The following SORCS1 variants were observed in gnomAD, a reference collection of about 807,000 sequenced individuals.
SORCS1 encodes the protein sortilin related VPS10 domain containing receptor 1, also known as VPS10 domain-containing receptor SorCS1.
A neutral mutation model predicts 146.1 loss-of-function variants in SORCS1; 60 were observed. That is an observed-to-expected ratio of 0.41 (90% CI 0.33 to 0.51). SORCS1 has a LOEUF of 0.51. SORCS1 is among the 20% of genes least tolerant of loss of function. The pLI is 0.21. For missense variants in SORCS1, 1,352 were observed against 1,487.6 expected, an observed-to-expected ratio of 0.91 and a Z score of 1.50; for synonymous variants, 637 against 584.0, an observed-to-expected ratio of 1.09 and a Z score of -1.31.
chr10:106,671,739 G>C (rs1252937452), intron 15 of SORCS1, among the ~76,000 whole-genome samples: 1 of 152,152 alleles, frequency 6.6e-6, no homozygotes, highest in Non-Finnish European at 1.5e-5. Context: ...GATGTATACA[G>C]TTGGTCATTT....
At chr10:107,147,138 G>A (rs144720280) in intron 1 of SORCS1, among the ~76,000 whole-genome samples, 162 of 152,252 alleles carry the variant, frequency 1.1e-3, no homozygotes, top group Middle Eastern at 3.4e-3. Flanking sequence ...GAAAGAAAAC[G>A]TAAGTTTAAC....
the SORCS1 span, among the ~76,000 whole-genome samples, chr10:107,173,750 GTAGTAT>G: frequency 2.0e-5 from 3 of 152,096 alleles, no homozygotes; most frequent in African/African-American, 7.2e-5. Context: ...GGTTCATGTT[GTAGTAT>G]ATGGATATCA....
chr10:107,104,718 G>A (rs913218196), intron 1 of SORCS1, among the ~76,000 whole-genome samples: 2 of 151,982 alleles, frequency 1.3e-5, no homozygotes, highest in Non-Finnish European at 2.9e-5. Context: ...TCCCTTTTTT[G>A]CTCTGCCATC....
intron 17 of SORCS1, among the ~76,000 whole-genome samples, chr10:106,664,534 C>T (rs549119046): frequency 3.7e-4 from 57 of 152,064 alleles, no homozygotes; most frequent in African/African-American, 1.3e-3. Flanking sequence ...CCCAGCTACT[C>T]GGGAAGCTGA....
intron 1 of SORCS1, among the ~76,000 whole-genome samples, chr10:107,046,373 C>T (rs1199557067): frequency 6.6e-6 from 1 of 152,020 alleles, no homozygotes; most frequent in Non-Finnish European, 1.5e-5. Flanking sequence ...TATGTGGCCA[C>T]ATTAATATGT....
At chr10:107,129,031 G>A (rs1036472585) in intron 1 of SORCS1, among the ~76,000 whole-genome samples, 8 of 152,208 alleles carry the variant, frequency 5.3e-5, no homozygotes, top group Admixed American at 5.2e-4. Flanking sequence ...ACCAGTCCCT[G>A]AGCACAAACT....
intron 1 of SORCS1, among the ~76,000 whole-genome samples, chr10:107,132,612 C>T (rs1346619134): frequency 6.6e-6 from 1 of 152,174 alleles, no homozygotes; most frequent in African/African-American, 2.4e-5. Context: ...AAATAAAGGG[C>T]TGGCTAAGCA....
rs747968529 is a variant in SORCS1 at position 106,620,490 on chromosome 10, C to T, written c.2734G>A (p.Val912Met). Residue 912 changes from valine to methionine, a missense_variant, in exon 20 of 26, where the codon GTG becomes ATG. This residue lies in a region of SORCS1 where 648 missense variants were observed against 793.8 expected (regional missense o/e 0.82). Coordinates refer to ENST00000263054, the MANE Select transcript of SORCS1 (RefSeq NM_052918.5). ...TKNKEVNATAVLWPSQVGTLT... is the reference protein window; with the variant it reads ...TKNKEVNATAMLWPSQVGTLT... ...GTGCCCACTTGGCTGGGCCACAGCA[C>T]TGCCGTCGCATTGACCTCTTTGTTC... The T allele has an allele frequency of 1.8e-5, 29 of 1,614,042 alleles. No homozygotes were observed. Among genetic ancestry groups the T allele is most frequent in the Non-Finnish European group, 2.5e-5 (29 of 1,179,974 alleles).
At chr10:106,658,684 T>C (rs1850489843) in intron 17 of SORCS1, among the ~76,000 whole-genome samples, 1 of 152,138 alleles carries the variant, frequency 6.6e-6, no homozygotes, top group African/African-American at 2.4e-5. Flanking sequence ...ACCTTAGTAA[T>C]GTAGGTGTGC....
At chr10:106,991,453 G>A (rs7073196) in intron 1 of SORCS1, among the ~76,000 whole-genome samples, 26,476 of 152,128 alleles carry the variant, frequency 0.17, 7,048 homozygotes, top group African/African-American at 0.58. Flanking sequence ...ATGTTTGAAA[G>A]CCCACAGATC....
At chr10:106,924,248 C>G (rs1952868953) in intron 2 of SORCS1, among the ~76,000 whole-genome samples, 1 of 117,072 alleles carries the variant, frequency 8.5e-6, no homozygotes, top group African/African-American at 2.8e-5. Flanking sequence ...GAGCAAAACT[C>G]CATCTCAAAA....
At chr10:106,882,726 A>C (rs1454215837) in intron 2 of SORCS1, among the ~76,000 whole-genome samples, 2 of 152,138 alleles carry the variant, frequency 1.3e-5, no homozygotes, top group East Asian at 1.9e-4. Context: ...AAACACAAAA[A>C]CAAAACCAAA....
intron 2 of SORCS1, among the ~76,000 whole-genome samples, chr10:106,892,029 A>G (rs1270906403): frequency 3.3e-5 from 5 of 152,334 alleles, no homozygotes; most frequent in African/African-American, 1.2e-4. Context: ...TCTATGCCAG[A>G]CTACATTTGC....
At chr10:107,012,211 G>C (rs910087151) in intron 1 of SORCS1, among the ~76,000 whole-genome samples, 1 of 152,132 alleles carries the variant, frequency 6.6e-6, no homozygotes, top group Admixed American at 6.5e-5. Flanking sequence ...TAGCCTCAAG[G>C]AATAGCCTTG....
intron 1 of SORCS1, among the ~76,000 whole-genome samples, chr10:107,122,577 G>C (rs1433934303): frequency 6.6e-6 from 1 of 152,170 alleles, no homozygotes; most frequent in Non-Finnish European, 1.5e-5. Flanking sequence ...GTAGCATTTA[G>C]TTATTTTTAT....
chr10:106,625,481 G>T (rs1183673021), intron 19 of SORCS1, among the ~76,000 whole-genome samples: 1 of 152,042 alleles, frequency 6.6e-6, no homozygotes, highest in Non-Finnish European at 1.5e-5. Flanking sequence ...ATACTTCCAG[G>T]AATCCTAATT....
chr10:106,997,740 AAAC>A (rs1332156987), intron 1 of SORCS1, among the ~76,000 whole-genome samples: 9 of 152,192 alleles, frequency 5.9e-5, no homozygotes, highest in African/African-American at 1.7e-4. Context: ...TTTTGCAGAA[AAAC>A]AACAACAACA....
At chr10:106,830,259 T>G (rs1438546175) in intron 2 of SORCS1, among the ~76,000 whole-genome samples, 1 of 152,216 alleles carries the variant, frequency 6.6e-6, no homozygotes, top group Non-Finnish European at 1.5e-5. Context: ...TTCTCGACAC[T>G]GACACTGTTT....
chr10:106,701,634 T>C (rs889574022), intron 8 of SORCS1, among the ~76,000 whole-genome samples: 9 of 152,182 alleles, frequency 5.9e-5, no homozygotes, highest in Non-Finnish European at 1.3e-4. Flanking sequence ...ATTTTTTTGG[T>C]CCCTAAATGT....
Sources: gnomAD v4.1 joint callset for allele counts (sites outside exome capture counted in the v4.1 genomes callset) on GRCh38, gnomAD v4.1.1 for gene constraint, gnomAD v4.1.1 regional missense constraint, MANE v1.5 for transcripts, NCBI Gene and HGNC (gene_info 2026-07-23, HGNC 2026-07-21) for gene names.